The following BUD13 variants were observed in gnomAD, a reference collection of about 807,000 sequenced individuals.
BUD13 encodes BUD13 spliceosome associated protein.
A neutral mutation model predicts 62.5 loss-of-function variants in BUD13; 47 were observed. The ratio of observed to expected loss-of-function variants is 0.75; its 90% CI spans 0.60 to 0.96. The LOEUF (loss-of-function observed/expected upper bound fraction) is 0.96, where lower values mean the gene tolerates loss of function less well. BUD13 is among the 40% of genes least tolerant of loss of function. The probability of loss-of-function intolerance (pLI) is 0.00; values close to 1 mark genes in which losing one functional copy is unlikely to be tolerated. For synonymous variants in BUD13, 293 were observed against 280.1 expected (o/e 1.05, Z -0.46); for missense variants, 821 against 790.9 (o/e 1.04, Z -0.46).
In BUD13 at chr11:116,772,728, C is replaced by A. The variant is rs899312293; in HGVS notation, c.143+94G>T. 1.1e-5 allele frequency: 15 copies of A among 1,398,072 alleles called. No homozygotes were observed. In the Admixed American group the frequency reaches 4.2e-4, roughly 39 times the overall value. 86.6% of individuals were successfully genotyped at this position (1,398,072 alleles called of 1,614,324 possible). ...GGGTCGGCGGAGAAGCCGAGAGACCCGCCAAGAGGGAAGGAACTGCCGGGC... is the reference window on the plus strand; with the variant it reads ...GGGTCGGCGGAGAAGCCGAGAGACCAGCCAAGAGGGAAGGAACTGCCGGGC... On this transcript the variant is annotated intron_variant, in intron 1 of 9. Coordinates refer to ENST00000260210, the MANE Select transcript of BUD13 (RefSeq NM_032725.4).
At chr11:116,765,748 T>C (rs1940520489) in intron 2 of BUD13, among the ~76,000 whole-genome samples, 1 of 152,212 alleles carries the variant, frequency 6.6e-6, no homozygotes, top group Admixed American at 6.5e-5. Context: ...ACTTGTAAAC[T>C]AACAACTAAA....
Position 116,765,338 on chromosome 11 carries a change from G to T in BUD13, c.322+24C>A, listed in dbSNP as rs371928376. Reference sequence around the variant, plus strand: ...GATCTCCCCTACTAATGGAAATTTAGATTTATCTATTGTTGGAACTCACCT... The same window carrying T: ...GATCTCCCCTACTAATGGAAATTTATATTTATCTATTGTTGGAACTCACCT... On this transcript the variant is annotated intron_variant, in intron 3 of 9. Transcript: ENST00000260210. 565 of 1,611,326 alleles carry T rather than the reference G, an allele frequency of 3.5e-4. 1 individual carries two copies. The highest frequency in any genetic ancestry group is 5.8e-5 in the Non-Finnish European group (68 of 1,177,842).
At position 116,763,055 on chromosome 11, in the gene BUD13, C is replaced by T; in HGVS notation, c.534G>A (p.Arg178=). 1 of 1,612,006 alleles carries T rather than the reference C, an allele frequency of 6.2e-7. No homozygotes were observed. The highest frequency in any genetic ancestry group is 1.1e-5 in the South Asian group (1 of 90,954). ...TGTCTGAGGAGTCATGACGGATCCT[C>T]CTGGGAGGAGATGTGTCTGAGTCAT... ...ARHDSDTSPP[R]RIRHDSSDTS... The change falls in exon 4 of 10, where the codon AGG becomes AGA. Residue 178 remains arginine, a synonymous_variant. Transcript: ENST00000260210.
chr11:116,762,565 G>A lies in BUD13; in HGVS notation c.1024C>T (p.Leu342Phe). ...GTCATATGCTCACCTTTGGAATCAAGCTGCTTCTTGTCTCCAAAATGGGAT... is the reference window on the plus strand; with the variant it reads ...GTCATATGCTCACCTTTGGAATCAAACTGCTTCTTGTCTCCAAAATGGGAT... ...AKSHFGDKKQLDSKGDCQKAT... is the reference protein window; with the variant it reads ...AKSHFGDKKQFDSKGDCQKAT... The change falls in exon 4 of 10, where the codon CTT becomes TTT. Residue 342 changes from leucine (L) to phenylalanine (F), a missense_variant. Physicochemically the swap from Leu to Phe is conservative, Grantham distance 22 (BLOSUM62 0). This residue lies in a region of BUD13 where 800 missense variants were observed against 739.2 expected (regional missense o/e 1.08). Transcript: ENST00000260210. 6.2e-7 allele frequency: 1 copy of A among 1,609,076 alleles called. No individual in the cohort carries two copies.
chr11:116,771,957 T>C (rs866166724), intron 1 of BUD13, among the ~76,000 whole-genome samples: 12 of 152,342 alleles, frequency 7.9e-5, no homozygotes, highest in Middle Eastern at 3.4e-3. Context: ...TTTCCTTGCC[T>C]CTCCCAGCTT....
chr11:116,768,030 T>C (rs1302631340), intron 2 of BUD13, among the ~76,000 whole-genome samples: 1 of 150,762 alleles, frequency 6.6e-6, no homozygotes, highest in Admixed American at 6.7e-5. Context: ...TGCTCTAATA[T>C]TGACGACGTA....
At chr11:116,748,633 A>G in intron 9 of BUD13, 58 bp from the exon 10 acceptor site, 1 of 1,492,726 alleles carries the variant, frequency 6.7e-7, no homozygotes, top group Non-Finnish European at 9.3e-7. Flanking sequence ...ATTTGTTTCA[A>G]AAGAAAGGGA....
rs904983541 is a variant in BUD13, at chr11:116,757,165, G to A, written c.1747C>T (p.Arg583Cys). 1.7e-5 allele frequency: 27 copies of A among 1,614,004 alleles called. No individual in the cohort carries two copies. The highest frequency in any genetic ancestry group is 3.3e-4 in the Middle Eastern group (2 of 6,084). ...PNRFNIWPGY[R>C]WDGVDRSNGF... ...GCTTACCTGTCCACTCCGTCCCAGC[G>A]ATATCCAGGCCAGATATTAAATCTG... is the stretch of plus-strand genomic sequence containing the variant. The change falls in exon 9 of 10, where the codon CGC becomes TGC. Residue 583 changes from arginine (R) to cysteine (C), a missense_variant. Arg to Cys is a radical substitution (Grantham distance 180, BLOSUM62 -3). Around this residue, in one of 2 missense-constraint regions of BUD13, gnomAD observed 21 missense variants for 51.7 expected, o/e 0.41. Transcript: ENST00000260210.
intron 1 of BUD13, among the ~76,000 whole-genome samples, chr11:116,771,958 C>T (rs1048468295): frequency 1.3e-5 from 2 of 152,230 alleles, no homozygotes; most frequent in Non-Finnish European, 2.9e-5. Flanking sequence ...TTCCTTGCCT[C>T]TCCCAGCTTC....
At chr11:116,772,693 G>A in intron 1 of BUD13, 129 bp downstream of exon 1, 1 of 1,280,534 alleles carries the variant, frequency 7.8e-7, no homozygotes, top group Non-Finnish European at 1.0e-6. Flanking sequence ...GGGGCCCTGA[G>A]CATGAGCAGG....
chr11:116,762,982 G>T lies in BUD13; in HGVS notation c.607C>A (p.Pro203Thr), dbSNP rs754196161. 9.9e-6 allele frequency: 16 copies of T among 1,613,662 alleles called. 1 individual carries two copies. The highest frequency in any genetic ancestry group is 1.6e-4 in the Middle Eastern group (1 of 6,082). Residue 203 changes from proline to threonine, a missense_variant, in exon 4 of 10, where the codon CCA (proline) becomes ACA (threonine). Physicochemically the swap from Pro to Thr is conservative, Grantham distance 38. This residue lies in a region of BUD13 where 800 missense variants were observed against 739.2 expected (regional missense o/e 1.08). Coordinates refer to ENST00000260210, the MANE Select transcript of BUD13 (RefSeq NM_032725.4). ...GAAGAATTATGCTGAGGCCTCCTTGGGGGAGAAGGATCTGGAGAATCATGA... is the reference window on the plus strand; with the variant it reads ...GAAGAATTATGCTGAGGCCTCCTTGTGGGAGAAGGATCTGGAGAATCATGA... The part of the protein sequence containing the change: ...ARHDSPDPSP[P>T]RRPQHNSSGA...
intron 9 of BUD13, among the ~76,000 whole-genome samples, chr11:116,749,228 T>C (rs1405795420): frequency 1.3e-5 from 2 of 152,204 alleles, no homozygotes; most frequent in Non-Finnish European, 2.9e-5. Context: ...ATTTTCATTA[T>C]ATACTAGGTA....
At position 116,767,975 on chromosome 11, in the gene BUD13, A is replaced by AAATAATAAT. The variant is rs57099961; in HGVS notation, c.237+2145_237+2153dup. ...GCAACAGAGCAAGACCCTGTCTCAA[A>AAATAATAAT]AATAATAATAATAATAATAATAATA... On this transcript the variant is annotated intron_variant, in intron 2 of 9. Transcript: ENST00000260210. Among the ~76,000 whole-genome samples, 939 of 143,676 alleles carry AAATAATAAT rather than the reference A, an allele frequency of 6.5e-3. 5 individuals are homozygous for AAATAATAAT. Among genetic ancestry groups the AAATAATAAT allele is most frequent in the Middle Eastern group, 0.022 (6 of 272 alleles). 94.3% of individuals were successfully genotyped at this position (143,676 alleles called of 152,430 possible).
chr11:116,757,285 G>C, intron 8 of BUD13, 58 bp from the exon 9 acceptor site: 1 of 1,487,726 alleles, frequency 6.7e-7, no homozygotes, highest in Non-Finnish European at 9.3e-7. Flanking sequence ...ATTCAGAGCT[G>C]GATGGCAATG....
chr11:116,765,032 G>T (rs1207163623), intron 3 of BUD13, among the ~76,000 whole-genome samples: 1 of 152,156 alleles, frequency 6.6e-6, no homozygotes, highest in Non-Finnish European at 1.5e-5. Flanking sequence ...TTCTGCTCCT[G>T]TTTCTTGTAA....
chr11:116,772,561 C>G (rs1223295083), intron 1 of BUD13, among the ~76,000 whole-genome samples: 2 of 152,146 alleles, frequency 1.3e-5, no homozygotes, highest in East Asian at 3.8e-4. Context: ...GGAAGTCTAC[C>G]AAGGCGGGAA....
chr11:116,761,901 C>T (rs1411751372), intron 4 of BUD13, among the ~76,000 whole-genome samples: 1 of 152,020 alleles, frequency 6.6e-6, no homozygotes, highest in African/African-American at 2.4e-5. Flanking sequence ...TTCTAGGAAA[C>T]TTATATAGAA....
At chr11:116,771,195 G>A (rs1940621620) in intron 1 of BUD13, among the ~76,000 whole-genome samples, 1 of 152,124 alleles carries the variant, frequency 6.6e-6, no homozygotes, top group South Asian at 2.1e-4. Flanking sequence ...TCAAGACTAA[G>A]AACCCTTGTT....
chr11:116,758,542 C>G, intron 6 of BUD13, 135 bp from the exon 7 acceptor site: 1 of 806,144 alleles, frequency 1.2e-6, no homozygotes, highest in Non-Finnish European at 1.9e-6. Context: ...CTACCAACAT[C>G]TTGGTGCATA....
Sources: gnomAD v4.1 joint callset for allele counts (sites outside exome capture counted in the v4.1 genomes callset) on GRCh38, gnomAD v4.1.1 for gene constraint, gnomAD v4.1.1 regional missense constraint, MANE v1.5 for transcripts, NCBI Gene and HGNC (gene_info 2026-07-23, HGNC 2026-07-21) for gene names.